PHLPP1: variants seen among roughly 807,000 people sequenced by gnomAD.
The protein encoded by PHLPP1 is PH domain leucine-rich repeat-containing protein phosphatase 1.
PHLPP1 carries 42 observed loss-of-function variants against 117.2 expected under a neutral mutation model. The observed-to-expected ratio is 0.36, with a 90% CI of 0.28 to 0.46. The LOEUF (loss-of-function observed/expected upper bound fraction) is 0.46, where lower values mean the gene tolerates loss of function less well. PHLPP1 is among the 20% of genes least tolerant of loss of function. The pLI is 1.00. For synonymous variants in PHLPP1, 1,042 were observed against 970.7 expected (o/e 1.07, Z -1.37); for missense variants, 2,084 against 2,241.9 (o/e 0.93, Z 1.42).
chr18:62,804,443 G>A (rs1490351903), intron 1 of PHLPP1, among the ~76,000 whole-genome samples: 1 of 152,080 alleles, frequency 6.6e-6, no homozygotes, highest in Non-Finnish European at 1.5e-5. Context: ...CTGGCACAGT[G>A]GGTCACACCT....
At chr18:62,729,542 G>A (rs1394354271) in intron 1 of PHLPP1, among the ~76,000 whole-genome samples, 1 of 152,144 alleles carries the variant, frequency 6.6e-6, no homozygotes, top group Non-Finnish European at 1.5e-5. Context: ...AAGCATGGTG[G>A]TGTGCGGCTG....
chr18:62,726,332 T>TG (rs902002667), intron 1 of PHLPP1, among the ~76,000 whole-genome samples: 12 of 151,256 alleles, frequency 7.9e-5, no homozygotes, highest in South Asian at 2.1e-4. Flanking sequence ...TTTTTTTTTT[T>TG]GGGGGGGTTG....
intron 1 of PHLPP1, among the ~76,000 whole-genome samples, chr18:62,793,550 A>T (rs1212896582): frequency 6.6e-6 from 1 of 152,224 alleles, no homozygotes; most frequent in African/African-American, 2.4e-5. Flanking sequence ...ACCTGGATTT[A>T]TTGAACATAG....
intron 1 of PHLPP1, among the ~76,000 whole-genome samples, chr18:62,801,879 C>G (rs1266036655): frequency 1.3e-5 from 2 of 152,148 alleles, no homozygotes; most frequent in Non-Finnish European, 2.9e-5. Flanking sequence ...TCATATTTAA[C>G]TTTTATGTCA....
chr18:62,884,590 G>A (rs975380670), intron 4 of PHLPP1, among the ~76,000 whole-genome samples: 6 of 152,228 alleles, frequency 3.9e-5, no homozygotes, highest in South Asian at 2.1e-4. Context: ...AAGTCCAGCC[G>A]TTGAGCAGCT....
chr18:62,863,075 C>T (rs1915671958), intron 4 of PHLPP1, among the ~76,000 whole-genome samples: 1 of 147,280 alleles, frequency 6.8e-6, no homozygotes, highest in Non-Finnish European at 1.5e-5. Flanking sequence ...TAATTGAAAG[C>T]AAGTTTATTA....
At chr18:62,951,270 C>T (rs1008355608) in intron 12 of PHLPP1, among the ~76,000 whole-genome samples, 2 of 151,642 alleles carry the variant, frequency 1.3e-5, no homozygotes, top group African/African-American at 2.4e-5. Context: ...CGTGAGCCAC[C>T]GCGCCTGGCC....
chr18:62,811,498 A>G (rs544647296), intron 1 of PHLPP1, among the ~76,000 whole-genome samples: 5 of 151,942 alleles, frequency 3.3e-5, no homozygotes, highest in East Asian at 1.9e-4. Flanking sequence ...AAATTCACCA[A>G]TCCGTTTACT....
intron 4 of PHLPP1, among the ~76,000 whole-genome samples, chr18:62,863,451 C>T (rs1915685286): frequency 6.6e-6 from 1 of 152,314 alleles, no homozygotes; most frequent in Admixed American, 6.5e-5. Flanking sequence ...GATCCACCCA[C>T]CTCGGCCTCC....
intron 10 of PHLPP1, among the ~76,000 whole-genome samples, chr18:62,934,346 A>T (rs968031424): frequency 3.3e-5 from 5 of 152,206 alleles, no homozygotes; most frequent in African/African-American, 1.2e-4. Context: ...GGTGAATTGG[A>T]TAAAGAAAAT....
chr18:62,833,375 G>C (rs930504543), intron 2 of PHLPP1, among the ~76,000 whole-genome samples: 1 of 152,198 alleles, frequency 6.6e-6, no homozygotes, highest in Non-Finnish European at 1.5e-5. Context: ...CGCCTGGCCA[G>C]ATAATACTGT....
intron 1 of PHLPP1, among the ~76,000 whole-genome samples, chr18:62,768,977 T>C (rs940393017): frequency 6.6e-6 from 1 of 152,214 alleles, no homozygotes; most frequent in Non-Finnish European, 1.5e-5. Context: ...TGATGGCTGC[T>C]ATCCTCATTG....
intron 15 of PHLPP1, among the ~76,000 whole-genome samples, chr18:62,974,767 T>C (rs1911141458): frequency 6.6e-6 from 1 of 152,198 alleles, no homozygotes; most frequent in African/African-American, 2.4e-5. Flanking sequence ...AAGCACTTGG[T>C]ATTTGATTAC....
In PHLPP1 at chr18:62,715,718, T is replaced by A; in HGVS notation, c.35T>A (p.Leu12His). ...EPAAAATVQR[L>H]PELGREDRAS... ...GCCGCCGCGGCCACGGTACAGCGACTCCCCGAGCTCGGCAGGGAGGACCGA... is the reference window on the plus strand; with the variant it reads ...GCCGCCGCGGCCACGGTACAGCGACACCCCGAGCTCGGCAGGGAGGACCGA... The change falls in exon 1 of 17, where the codon CTC becomes CAC. Residue 12 changes from leucine to histidine, a missense_variant. Physicochemically the swap from Leu to His is moderately conservative, Grantham distance 99 (BLOSUM62 -3). This residue lies in a region of PHLPP1 where 719 missense variants were observed against 636.0 expected (regional missense o/e 1.13). Coordinates refer to ENST00000262719, the MANE Select transcript of PHLPP1 (RefSeq NM_194449.4). The A allele has an allele frequency of 8.2e-7, 1 of 1,216,648 alleles. No homozygotes were observed. Among genetic ancestry groups the A allele is most frequent in the Non-Finnish European group, 1.0e-6 (1 of 972,366 alleles). The allele number at this position is 1,216,648 out of a possible 1,614,324, so 75.4% of individuals were successfully genotyped here.
chr18:62,963,630 T>C (rs931317570), intron 14 of PHLPP1, among the ~76,000 whole-genome samples, 158 bp downstream of exon 14: 34 of 152,250 alleles, frequency 2.2e-4, no homozygotes, highest in African/African-American at 6.0e-4. Flanking sequence ...TCACGACTTA[T>C]GTTTGAACAT....
chr18:62,970,672 G>A (rs1911025498), intron 14 of PHLPP1, among the ~76,000 whole-genome samples: 1 of 152,156 alleles, frequency 6.6e-6, no homozygotes, highest in Non-Finnish European at 1.5e-5. Context: ...GGCTGAGGGA[G>A]GAGAACCACT....
chr18:62,968,999 C>T (rs1467205219), intron 14 of PHLPP1, among the ~76,000 whole-genome samples: 1 of 152,040 alleles, frequency 6.6e-6, no homozygotes, highest in East Asian at 1.9e-4. Flanking sequence ...TGATATTTCT[C>T]TATAATTTTT....
chr18:62,885,441 C>T (rs1786526073), intron 4 of PHLPP1, among the ~76,000 whole-genome samples: 1 of 152,156 alleles, frequency 6.6e-6, no homozygotes, highest in African/African-American at 2.4e-5. Flanking sequence ...GTGGGTGGAT[C>T]ACAAGGTCAG....
intron 8 of PHLPP1, among the ~76,000 whole-genome samples, chr18:62,912,298 A>G (rs1215872227): frequency 9.5e-6 from 1 of 105,038 alleles, no homozygotes; most frequent in Non-Finnish European, 2.2e-5. Context: ...AACTTAGAGT[A>G]TAATAAAAAA....
Sources: gnomAD v4.1 joint callset for allele counts (sites outside exome capture counted in the v4.1 genomes callset) on GRCh38, gnomAD v4.1.1 for gene constraint, gnomAD v4.1.1 regional missense constraint, MANE v1.5 for transcripts, NCBI Gene and HGNC (gene_info 2026-07-23, HGNC 2026-07-21) for gene names.